GNAI1: variants seen among roughly 807,000 people sequenced by gnomAD.
The protein encoded by GNAI1 is G protein subunit alpha i1, also known as guanine nucleotide-binding protein G(i) subunit alpha-1.
Under a neutral mutation model 38.9 loss-of-function variants are expected in GNAI1, and 11 were observed. That is an observed-to-expected ratio of 0.28 (90% CI 0.18 to 0.47). GNAI1 has a LOEUF of 0.47. Ranked by LOEUF, GNAI1 falls within the 20% of genes least tolerant of loss-of-function variation. The pLI, the probability that GNAI1 is intolerant of heterozygous loss-of-function variation, is 0.99. For synonymous variants in GNAI1, 166 were observed against 145.1 expected, an observed-to-expected ratio of 1.14 and a Z score of -1.04; for missense variants, 317 against 436.9, an observed-to-expected ratio of 0.73 and a Z score of 2.45.
rs541745438 is a variant in GNAI1 at position 80,206,132 on chromosome 7, A to G, written c.590+2300A>G. Among the ~76,000 whole-genome samples the G allele has an allele frequency of 1.6e-3, 242 of 152,192 alleles. 1 individual carries two copies. Among genetic ancestry groups the G allele is most frequent in the Non-Finnish European group, 2.8e-3 (193 of 67,944 alleles). On this transcript the variant is annotated intron_variant, in intron 5 of 7. Transcript: ENST00000649796. ...GTATTTTAAATTTAATACATTTGTT[A>G]CTATCACTTGTCACTGATTTACAGG...
intron 3 of GNAI1, among the ~76,000 whole-genome samples, chr7:80,198,941 A>G (rs1440976749): frequency 6.6e-6 from 1 of 152,110 alleles, no homozygotes; most frequent in Non-Finnish European, 1.5e-5. Context: ...ATAATTGGCT[A>G]ATGTCCCCTT....
chr7:80,218,578 T>A lies in GNAI1; in HGVS notation c.*1085T>A, dbSNP rs1338915278. On this transcript the variant is annotated 3_prime_UTR_variant, in exon 8 of 8. Transcript: ENST00000649796. ...GATAACAAGAAGGATCTTTGAATAC[T>A]CTATTGCTGATATAATGCAAGATTT... The A allele has an allele frequency of 3.3e-5, 5 of 152,166 alleles. No individual in the cohort carries two copies. The highest frequency in any genetic ancestry group is 3.3e-4 in the Admixed American group (5 of 15,276). The allele number at this position is 152,166 out of a possible 1,614,324, so 9.4% of individuals were successfully genotyped here. A position where few individuals can be genotyped will look rare whatever the true frequency, so the allele number is the denominator to read the frequency against.
chr7:80,166,438 A>T (rs1403764727), intron 1 of GNAI1, among the ~76,000 whole-genome samples: 2 of 152,158 alleles, frequency 1.3e-5, no homozygotes, highest in Non-Finnish European at 2.9e-5. Flanking sequence ...ATTTTAGCAA[A>T]ATAGATTGAT....
intron 5 of GNAI1, among the ~76,000 whole-genome samples, chr7:80,206,761 G>A (rs937870667): frequency 2.0e-5 from 3 of 151,924 alleles, no homozygotes; most frequent in Non-Finnish European, 2.9e-5. Flanking sequence ...TGATAGTACT[G>A]AACCCTATAT....
chr7:80,207,641 G>C (rs978007853), intron 5 of GNAI1, among the ~76,000 whole-genome samples: 3 of 152,106 alleles, frequency 2.0e-5, no homozygotes, highest in Non-Finnish European at 2.9e-5. Context: ...AGATGAATGA[G>C]AGCAGAAATG....
In GNAI1 at chr7:80,217,620, AGTT is replaced by A; in HGVS notation, c.*131_*133del. 1 of 499,186 alleles carries A rather than the reference AGTT, an allele frequency of 2.0e-6. No homozygotes were observed. 30.9% of individuals were successfully genotyped at this position (499,186 alleles called of 1,614,324 possible). A position where few individuals can be genotyped will look rare whatever the true frequency, so the allele number is the denominator to read the frequency against. ...GCAAATGCATCTGGGACTTGACCAA[AGTT>A]GTTCTGTTTTGTTTTTTTAACTGAA... On this transcript the variant is annotated 3_prime_UTR_variant, in exon 8 of 8. Coordinates refer to ENST00000649796, the MANE Select transcript of GNAI1 (RefSeq NM_002069.6).
chr7:80,190,639 A>G (rs1183862660), intron 3 of GNAI1, among the ~76,000 whole-genome samples: 1 of 152,156 alleles, frequency 6.6e-6, no homozygotes, highest in East Asian at 1.9e-4. Context: ...GTAGGGAACC[A>G]TGCTTAGATT....
intron 1 of GNAI1, among the ~76,000 whole-genome samples, chr7:80,140,103 C>T (rs1787499255): frequency 1.3e-5 from 2 of 151,974 alleles, no homozygotes; most frequent in African/African-American, 2.4e-5. Context: ...CCTGCCTCAG[C>T]CTCTCAAGTA....
Position 80,224,187 on chromosome 7 carries a change from A to G in GNAI1, c.*6694A>G, listed in dbSNP as rs896539675. ...ATATATAGAGAAAATGCATACATAC[A>G]TAATTTATTGAGTGCCTACTGTGTG... On this transcript the variant is annotated 3_prime_UTR_variant, in exon 8 of 8. Transcript: ENST00000649796. Among the ~76,000 whole-genome samples the G allele has an allele frequency of 6.6e-6, 1 of 152,234 alleles. No individual in the cohort carries two copies. Among genetic ancestry groups the G allele is most frequent in the African/African-American group, 2.4e-5 (1 of 41,466 alleles).
At chr7:80,162,531 G>T (rs946051764) in intron 1 of GNAI1, among the ~76,000 whole-genome samples, 15 of 152,150 alleles carry the variant, frequency 9.9e-5, no homozygotes, top group Admixed American at 9.8e-4. Context: ...ACATCTTTAC[G>T]ATTTGGCTTT....
At chr7:80,138,916 C>G (rs901274328) in intron 1 of GNAI1, among the ~76,000 whole-genome samples, 6 of 152,224 alleles carry the variant, frequency 3.9e-5, no homozygotes, top group Middle Eastern at 3.4e-3. Context: ...TTGCTGCCAC[C>G]AGGCAGCCCT....
Position 80,219,081 on chromosome 7 carries a change from T to A in GNAI1, c.*1588T>A, listed in dbSNP as rs568425883. 2.6e-5 allele frequency: 4 copies of A among 151,238 alleles called. No homozygotes were observed. The highest frequency in any genetic ancestry group is 2.6e-4 in the Admixed American group (4 of 15,182). 9.4% of individuals were successfully genotyped at this position (151,238 alleles called of 1,614,324 possible). ...TGTGTAACCATAAACTATATTCATATCTGTTTCATTTGGAGGATTTTCTTC... is the reference window on the plus strand; with the variant it reads ...TGTGTAACCATAAACTATATTCATAACTGTTTCATTTGGAGGATTTTCTTC... On this transcript the variant is annotated 3_prime_UTR_variant, in exon 8 of 8. Transcript: ENST00000649796.
At chr7:80,196,948 A>T (rs1343402880) in intron 3 of GNAI1, among the ~76,000 whole-genome samples, 2 of 152,002 alleles carry the variant, frequency 1.3e-5, no homozygotes, top group Non-Finnish European at 2.9e-5. Flanking sequence ...AAACCTGTTT[A>T]ACAAAAATCT....
chr7:80,221,128 G>A lies in GNAI1; in HGVS notation c.*3635G>A, dbSNP rs970832345. 6.6e-6 allele frequency among the ~76,000 whole-genome samples: 1 copy of A among 152,106 alleles called. No homozygotes were observed. Among genetic ancestry groups the A allele is most frequent in the Non-Finnish European group, 1.5e-5 (1 of 68,032 alleles). On this transcript the variant is annotated 3_prime_UTR_variant, in exon 8 of 8. Coordinates refer to ENST00000649796, the MANE Select transcript of GNAI1 (RefSeq NM_002069.6). ...TGTTATGTTGGAAGTAGAAAGTGAT[G>A]GTGAAAATCCTAGGCTCTGGCACCC...
In GNAI1 at chr7:80,139,608, T is replaced by TTTTTATG. The variant is rs1439067628; in HGVS notation, c.118+4331_118+4332insTTTATGT. 2.6e-5 allele frequency among the ~76,000 whole-genome samples: 4 copies of TTTTTATG among 152,336 alleles called. No individual in the cohort carries two copies. The East Asian group carries it at 7.7e-4, about 29-fold the overall frequency. On this transcript the variant is annotated intron_variant, in intron 1 of 7. Transcript: ENST00000649796. Reference sequence around the variant, plus strand: ...ATTTTATTATGTGTAAAATGGCTTCTTAATTATGTAAAATTATTATCTTGC... The same window carrying TTTTTATG: ...ATTTTATTATGTGTAAAATGGCTTCTTTTTATGTAATTATGTAAAATTATTATCTTGC...
chr7:80,222,382 A>ATT lies in GNAI1; in HGVS notation c.*4907_*4908dup, dbSNP rs67345654. Among the ~76,000 whole-genome samples the ATT allele has an allele frequency of 0.099, 12,658 of 127,766 alleles. 738 individuals are homozygous for ATT. The highest frequency in any genetic ancestry group is 0.19 in the South Asian group (783 of 4,024). 83.8% of individuals were successfully genotyped at this position (127,766 alleles called of 152,430 possible). ...TGAAGGAGCTAGTTCTTCAAATTTAATTTTTTTTTTTTTTTTTTTCCTGAG... is the reference window on the plus strand; with the variant it reads ...TGAAGGAGCTAGTTCTTCAAATTTAATTTTTTTTTTTTTTTTTTTTTCCTGAG... On this transcript the variant is annotated 3_prime_UTR_variant, in exon 8 of 8. Transcript: ENST00000649796.
intron 1 of GNAI1, among the ~76,000 whole-genome samples, chr7:80,162,865 G>T (rs186572733): frequency 6.6e-6 from 1 of 152,188 alleles, no homozygotes; most frequent in African/African-American, 2.4e-5. Context: ...AAGAGAAACC[G>T]CAAGGAAGAA....
rs115618358 is a variant in GNAI1, at chr7:80,207,684, T to C, written c.591-3285T>C. Among the ~76,000 whole-genome samples the C allele has an allele frequency of 9.3e-3, 1,374 of 147,860 alleles. 23 individuals carry two copies. Among genetic ancestry groups the C allele is most frequent in the African/African-American group, 0.034 (1,292 of 37,786 alleles). ...AATAATTCTACTGGGAACTCTTGAG[T>C]GTGGTCATCATTTTGTGGTTTTTTT... On this transcript the variant is annotated intron_variant, in intron 5 of 7. Transcript: ENST00000649796.
chr7:80,158,711 A>G (rs1333672916), intron 1 of GNAI1, among the ~76,000 whole-genome samples: 2 of 152,190 alleles, frequency 1.3e-5, no homozygotes, highest in African/African-American at 4.8e-5. Context: ...GTCTTTAATT[A>G]ACAACATGAG....
Sources: gnomAD v4.1 joint callset for allele counts (sites outside exome capture counted in the v4.1 genomes callset) on GRCh38, gnomAD v4.1.1 for gene constraint, MANE v1.5 for transcripts, NCBI Gene and HGNC (gene_info 2026-07-23, HGNC 2026-07-21) for gene names.